The following TDRP variants were observed in gnomAD, a reference collection of about 807,000 sequenced individuals.
The protein encoded by TDRP is testis development related protein, also known as testis development-related protein.
A neutral mutation model predicts 10.5 loss-of-function variants in TDRP; 12 were observed. That is an observed-to-expected ratio of 1.15 (90% CI 0.73 to 1.86). TDRP has a LOEUF of 1.86. Among genes scored for constraint, TDRP ranks in the 40% most tolerant of loss-of-function variants. The pLI, the probability that TDRP is intolerant of heterozygous loss-of-function variation, is 0.00. For missense variants in TDRP, 353 were observed against 229.2 expected, an observed-to-expected ratio of 1.54 and a Z score of -3.49; for synonymous variants, 139 against 95.4, an observed-to-expected ratio of 1.46 and a Z score of -2.67.
chr8:530,236 G>A (rs1802153717), intron 1 of TDRP, among the ~76,000 whole-genome samples: 1 of 151,752 alleles, frequency 6.6e-6, no homozygotes, highest in South Asian at 2.1e-4. Context: ...TCTTGTTATT[G>A]CATTTTTTCT....
intron 1 of TDRP, among the ~76,000 whole-genome samples, chr8:512,362 G>GGC (rs1422900539): frequency 2.6e-5 from 4 of 152,046 alleles, no homozygotes; most frequent in Admixed American, 6.5e-5. Flanking sequence ...GAACCCGGGA[G>GGC]GCGGAGGCTG....
chr8:492,512 G>C lies in TDRP; in HGVS notation c.445C>G (p.Leu149Val). The C allele has an allele frequency of 6.2e-7, 1 of 1,610,762 alleles. No individual in the cohort carries two copies. Among genetic ancestry groups the C allele is most frequent in the Non-Finnish European group, 8.5e-7 (1 of 1,178,276 alleles). ...CTGGAGCTGTTGGCAGAGCTGGCCA[G>C]GCTGGTGTACTTGGTCGAGCCCTTG... The part of the protein sequence containing the change: ...DAKGSTKYTS[L>V]ASSANSSRWS... Residue 149 changes from leucine (L) to valine (V), a missense_variant, in exon 3 of 3, where the codon CTG (leucine) becomes GTG (valine). Coordinates refer to ENST00000324079, the MANE Select transcript of TDRP (RefSeq NM_001384899.1).
chr8:524,216 G>A lies in TDRP; in HGVS notation c.108+20434C>T, dbSNP rs959453405. ...ACCAAGTTGGTATGTCTACAGGTCT[G>A]CAAGAGTCACAGCATTACTGGGCTT... On this transcript the variant is annotated intron_variant, in intron 1 of 2. Transcript: ENST00000324079. 2.0e-5 allele frequency among the ~76,000 whole-genome samples: 3 copies of A among 152,206 alleles called. No individual in the cohort carries two copies. The South Asian group carries it at 6.2e-4, about 32-fold the overall frequency.
intron 1 of TDRP, among the ~76,000 whole-genome samples, chr8:541,020 A>G (rs962141086): frequency 6.6e-6 from 1 of 152,216 alleles, no homozygotes; most frequent in African/African-American, 2.4e-5. Context: ...TGAATTTAAC[A>G]GATTCATTAA....
At chr8:510,523 G>C (rs1354443545) in intron 1 of TDRP, among the ~76,000 whole-genome samples, 1 of 152,142 alleles carries the variant, frequency 6.6e-6, no homozygotes, top group Non-Finnish European at 1.5e-5. Flanking sequence ...GCCCCAATAA[G>C]ATTAACAGCT....
At chr8:506,282 G>C (rs1198646274) in intron 1 of TDRP, among the ~76,000 whole-genome samples, 1 of 152,188 alleles carries the variant, frequency 6.6e-6, no homozygotes, top group African/African-American at 2.4e-5. Flanking sequence ...CAAAAGATGA[G>C]CAAACAAGAC....
Position 491,721 on chromosome 8 carries a change from T to C in TDRP, c.*678A>G, listed in dbSNP as rs1800982326. 2.0e-6 allele frequency: 3 copies of C among 1,477,408 alleles called. No individual in the cohort carries two copies. Among genetic ancestry groups the C allele is most frequent in the Non-Finnish European group, 2.7e-6 (3 of 1,126,568 alleles). 91.5% of individuals were successfully genotyped at this position (1,477,408 alleles called of 1,614,324 possible). On this transcript the variant is annotated 3_prime_UTR_variant, in exon 3 of 3. Transcript: ENST00000324079. ...TTTTAAGAAAATAAAGGGACCGATT[T>C]AGAAGTTCAAAAGAGGTAAAAATAA... is the stretch of plus-strand genomic sequence containing the variant.
chr8:494,507 G>A lies in TDRP; in HGVS notation c.199C>T (p.Pro67Ser). 4 of 1,613,802 alleles carry A rather than the reference G, an allele frequency of 2.5e-6. No homozygotes were observed. The highest frequency in any genetic ancestry group is 1.1e-5 in the South Asian group (1 of 91,060). The part of the protein sequence containing the change: ...EQHLLERCKS[P>S]KSKGTNLRLK... Reference sequence around the variant, plus strand: ...GTTATGACTTACCCTTTGGACTTGGGAGATTTACATCTTTCCAGGAGATGC... The same window carrying A: ...GTTATGACTTACCCTTTGGACTTGGAAGATTTACATCTTTCCAGGAGATGC... The change falls in exon 2 of 3, where the codon CCC becomes TCC. Residue 67 changes from proline (P) to serine (S), a missense_variant. Pro to Ser is a moderately conservative substitution (Grantham distance 74, BLOSUM62 -1). Coordinates refer to ENST00000324079, the MANE Select transcript of TDRP (RefSeq NM_001384899.1).
At chr8:534,928 T>TATC (rs1802305517) in intron 1 of TDRP, among the ~76,000 whole-genome samples, 1 of 152,164 alleles carries the variant, frequency 6.6e-6, no homozygotes, top group Non-Finnish European at 1.5e-5. Context: ...TCCAGGATTC[T>TATC]ATCCTCCAAA....
chr8:502,395 C>T lies in TDRP; in HGVS notation c.109-7798G>A, dbSNP rs538040392. ...GCCCGCAGCCGTGTTCACCAAATTG[C>T]AGGGTGCCAGGCCAACGACCCTTCA... On this transcript the variant is annotated intron_variant, in intron 1 of 2. Transcript: ENST00000324079. Among the ~76,000 whole-genome samples the T allele has an allele frequency of 1.1e-4, 16 of 152,346 alleles. 1 individual carries two copies. The South Asian group carries it at 3.1e-3, about 30-fold the overall frequency.
chr8:497,207 T>G (rs1304928339), intron 1 of TDRP, among the ~76,000 whole-genome samples: 1 of 152,228 alleles, frequency 6.6e-6, no homozygotes, highest in Non-Finnish European at 1.5e-5. Flanking sequence ...TGGGAATGTT[T>G]GGAACTTCCT....
At chr8:538,269 G>A (rs1188689539) in intron 1 of TDRP, among the ~76,000 whole-genome samples, 1 of 152,216 alleles carries the variant, frequency 6.6e-6, no homozygotes, top group East Asian at 1.9e-4. Context: ...ATCAAGGCCA[G>A]GGGATGAGGA....
At chr8:512,500 A>G (rs1801646655) in intron 1 of TDRP, among the ~76,000 whole-genome samples, 1 of 152,162 alleles carries the variant, frequency 6.6e-6, no homozygotes, top group South Asian at 2.1e-4. Flanking sequence ...GAAGACTTAA[A>G]TTACTGGAAT....
intron 1 of TDRP, among the ~76,000 whole-genome samples, chr8:500,403 C>T (rs913269565): frequency 6.6e-6 from 1 of 152,158 alleles, no homozygotes; most frequent in African/African-American, 2.4e-5. Flanking sequence ...CCAGTGCGCA[C>T]GTCCAGATCC....
rs528574061 is a variant in TDRP, at chr8:518,191, C to CAGGGAAGGT, written c.109-23603_109-23595dup. On this transcript the variant is annotated intron_variant, in intron 1 of 2. Coordinates refer to ENST00000324079, the MANE Select transcript of TDRP (RefSeq NM_001384899.1). ...CCGCTCTGGAGAGGGATGTTGGTAGCAGGGAAGGTAGGGAAGGTAGGGAAG... is the reference window on the plus strand; with the variant it reads ...CCGCTCTGGAGAGGGATGTTGGTAGCAGGGAAGGTAGGGAAGGTAGGGAAGGTAGGGAAG... Among the ~76,000 whole-genome samples the CAGGGAAGGT allele has an allele frequency of 9.2e-4, 140 of 152,234 alleles. No individual in the cohort carries two copies. In the South Asian group the frequency reaches 0.013, roughly 14 times the overall value.
intron 1 of TDRP, among the ~76,000 whole-genome samples, chr8:500,098 G>A (rs753312239): frequency 9.2e-5 from 14 of 152,156 alleles, no homozygotes; most frequent in South Asian, 4.1e-4. Flanking sequence ...GAGATGTGCC[G>A]TAAAACGCTG....
chr8:545,382 C>A (rs1177058157), upstream of TDRP, among the ~76,000 whole-genome samples: 1 of 143,618 alleles, frequency 7.0e-6, no homozygotes, highest in Non-Finnish European at 1.5e-5. Context: ...CCGGCCCCCG[C>A]AAATTCCCCT....
At chr8:525,326 T>G (rs1802007988) in intron 1 of TDRP, among the ~76,000 whole-genome samples, 1 of 152,052 alleles carries the variant, frequency 6.6e-6, no homozygotes, top group Non-Finnish European at 1.5e-5. Context: ...ATTCTTCAAT[T>G]TGAAAGAAAA....
intron 1 of TDRP, among the ~76,000 whole-genome samples, chr8:523,331 G>T (rs76743198): frequency 2.6e-4 from 39 of 152,066 alleles, no homozygotes; most frequent in Admixed American, 2.2e-3. Context: ...TTTTCGGGGG[G>T]AATGGAGGTG....
Sources: allele counts gnomAD v4.1 joint callset (sites outside exome capture counted in the v4.1 genomes callset), GRCh38; gene constraint gnomAD v4.1.1; transcripts MANE v1.5; gene names NCBI Gene and HGNC (gene_info 2026-07-23, HGNC 2026-07-21).